Variants in GUCY1A2 observed in about 807,000 individuals in gnomAD.
GUCY1A2 encodes the protein guanylate cyclase soluble subunit alpha-2.
Under a neutral mutation model 63.5 loss-of-function variants are expected in GUCY1A2, and 27 were observed. The ratio of observed to expected loss-of-function variants is 0.43; its 90% CI spans 0.31 to 0.59. GUCY1A2 has a LOEUF of 0.59. Among genes scored for constraint, GUCY1A2 ranks in the 20% least tolerant of loss-of-function variants. The pLI is 0.11. For missense variants in GUCY1A2, 768 were observed against 913.3 expected (o/e 0.84, Z 2.05); for synonymous variants, 364 against 343.5 (o/e 1.06, Z -0.66).
chr11:106,715,953 C>A (rs11211880), intron 6 of GUCY1A2, among the ~76,000 whole-genome samples: 92,058 of 152,064 alleles, frequency 0.61, 28,487 homozygotes, highest in African/African-American at 0.72. Flanking sequence ...GTGGGTGGGG[C>A]TGACCCACTC....
intron 4 of GUCY1A2, among the ~76,000 whole-genome samples, chr11:106,931,673 T>C (rs866884793): frequency 1.1e-4 from 17 of 152,288 alleles, no homozygotes; most frequent in Middle Eastern, 3.4e-3. Flanking sequence ...AACAATCTGC[T>C]GATGCATACT....
chr11:106,943,719 G>A (rs1051130322), intron 3 of GUCY1A2, among the ~76,000 whole-genome samples: 5 of 152,158 alleles, frequency 3.3e-5, no homozygotes. Flanking sequence ...AACCTTTTAA[G>A]GTTGCACTTG....
At chr11:106,728,695 C>G (rs1222002707) in intron 6 of GUCY1A2, among the ~76,000 whole-genome samples, 1 of 152,138 alleles carries the variant, frequency 6.6e-6, no homozygotes, top group Admixed American at 6.5e-5. Flanking sequence ...ATAGTTAAAA[C>G]TGAAGATGTA....
At chr11:106,815,508 T>G (rs1279540851) in intron 4 of GUCY1A2, among the ~76,000 whole-genome samples, 1 of 149,296 alleles carries the variant, frequency 6.7e-6, no homozygotes, top group Non-Finnish European at 1.5e-5. Flanking sequence ...ACTTAAAGTA[T>G]AATAATAATA....
intron 6 of GUCY1A2, among the ~76,000 whole-genome samples, chr11:106,717,067 C>T (rs76419532): frequency 0.023 from 3,449 of 152,226 alleles, 211 homozygotes; most frequent in Admixed American, 0.12. Flanking sequence ...TATATCTAGC[C>T]TCTTAGAGAG....
intron 4 of GUCY1A2, among the ~76,000 whole-genome samples, chr11:106,909,437 T>C (rs749491035): frequency 1.3e-5 from 2 of 149,534 alleles, no homozygotes; most frequent in Non-Finnish European, 3.0e-5. Context: ...GGTTTGCATA[T>C]CCACCACCAT....
intron 4 of GUCY1A2, among the ~76,000 whole-genome samples, chr11:106,889,669 A>C (rs2135477143): frequency 6.6e-6 from 1 of 152,266 alleles, no homozygotes; most frequent in South Asian, 2.1e-4. Context: ...CAAAACTATT[A>C]TATGTCTTGG....
intron 1 of GUCY1A2, among the ~76,000 whole-genome samples, chr11:107,002,253 T>C (rs978986366): frequency 6.6e-6 from 1 of 151,976 alleles, no homozygotes; most frequent in Non-Finnish European, 1.5e-5. Flanking sequence ...ACCGACAAAA[T>C]AGAGTCCTAT....
rs960238301 is a variant in GUCY1A2, at chr11:106,820,927, C to T, written c.1207-10449G>A. 2.0e-5 allele frequency among the ~76,000 whole-genome samples: 3 copies of T among 152,106 alleles called. No individual in the cohort carries two copies. The South Asian group carries it at 6.2e-4, about 32-fold the overall frequency. Reference sequence around the variant, plus strand: ...AATACCAAAAATATAGCCTTTTAGACAATTTATCTCTGTGCTTTTTTATTT... The same window carrying T: ...AATACCAAAAATATAGCCTTTTAGATAATTTATCTCTGTGCTTTTTTATTT... On this transcript the variant is annotated intron_variant, in intron 4 of 7. Transcript: ENST00000526355.
At chr11:106,751,831 A>T (rs1037708538) in intron 6 of GUCY1A2, among the ~76,000 whole-genome samples, 2 of 152,208 alleles carry the variant, frequency 1.3e-5, no homozygotes, top group Admixed American at 1.3e-4. Context: ...AATGTATGAA[A>T]AATGAATAAA....
intron 7 of GUCY1A2, among the ~76,000 whole-genome samples, chr11:106,706,222 C>G (rs1408450796): frequency 1.3e-5 from 2 of 152,206 alleles, no homozygotes; most frequent in African/African-American, 2.4e-5. Context: ...GTTGGACATT[C>G]TACAGAATGT....
chr11:106,882,782 T>A (rs1944197), intron 4 of GUCY1A2, among the ~76,000 whole-genome samples: 55,355 of 151,736 alleles, frequency 0.36, 10,553 homozygotes, highest in East Asian at 0.67. Context: ...TTGTCCCCAG[T>A]GGGAAAGGAG....
intron 5 of GUCY1A2, among the ~76,000 whole-genome samples, chr11:106,787,592 G>A (rs1202756630): frequency 5.6e-5 from 8 of 143,348 alleles, no homozygotes; most frequent in African/African-American, 2.2e-4. Context: ...GAAAAAGGAA[G>A]GGAAGGGAAA....
At chr11:106,952,777 C>A (rs544910826) in intron 3 of GUCY1A2, among the ~76,000 whole-genome samples, 1 of 152,030 alleles carries the variant, frequency 6.6e-6, no homozygotes, top group African/African-American at 2.4e-5. Context: ...ATATCTGGGA[C>A]TACAGGTGTG....
intron 5 of GUCY1A2, among the ~76,000 whole-genome samples, chr11:106,782,835 T>C (rs1253230084): frequency 6.6e-6 from 1 of 152,204 alleles, no homozygotes; most frequent in Non-Finnish European, 1.5e-5. Flanking sequence ...GGAAAAACTA[T>C]GGTCTTGGGT....
At chr11:106,863,263 T>C (rs1859539826) in intron 4 of GUCY1A2, among the ~76,000 whole-genome samples, 1 of 152,122 alleles carries the variant, frequency 6.6e-6, no homozygotes, top group South Asian at 2.1e-4. Flanking sequence ...TATGGTTTTT[T>C]GGTTTTCGGT....
At position 106,845,282 on chromosome 11, in the gene GUCY1A2, T is replaced by TA. The variant is rs575014977; in HGVS notation, c.1207-34805dup. Among the ~76,000 whole-genome samples the TA allele has an allele frequency of 8.0e-3, 1,166 of 145,646 alleles. 23 individuals are homozygous for TA. The highest frequency in any genetic ancestry group is 0.074 in the South Asian group (344 of 4,620). On this transcript the variant is annotated intron_variant, in intron 4 of 7. Transcript: ENST00000526355. ...ACTAACAAAAATCCCTGCGGCCGAT[T>TA]AAAAAAAAAAAATGCTCCATTTTCC...
chr11:106,811,556 G>T (rs1383375167), intron 4 of GUCY1A2, among the ~76,000 whole-genome samples: 1 of 152,050 alleles, frequency 6.6e-6, no homozygotes, highest in Non-Finnish European at 1.5e-5. Flanking sequence ...TAAGCTAGTT[G>T]ATAAAAACTG....
At chr11:106,980,763 C>T (rs549447018) in intron 2 of GUCY1A2, among the ~76,000 whole-genome samples, 2 of 152,244 alleles carry the variant, frequency 1.3e-5, no homozygotes, top group East Asian at 3.9e-4. Flanking sequence ...GTTTGTACAC[C>T]TCATTGAGAT....
Sources: gnomAD v4.1 joint callset for allele counts (sites outside exome capture counted in the v4.1 genomes callset) on GRCh38, gnomAD v4.1.1 for gene constraint, MANE v1.5 for transcripts, NCBI Gene and HGNC (gene_info 2026-07-23, HGNC 2026-07-21) for gene names.